MICU3: variants seen among roughly 807,000 people sequenced by gnomAD.
The protein encoded by MICU3 is mitochondrial calcium uptake 3.
In MICU3, 62 loss-of-function variants were observed where a neutral mutation model predicts 66.5. That is an observed-to-expected ratio of 0.93 (90% CI 0.76 to 1.15). The LOEUF (loss-of-function observed/expected upper bound fraction) is 1.15, where lower values mean the gene tolerates loss of function less well. Among genes scored for constraint, MICU3 ranks in the 50% most tolerant of loss-of-function variants. The pLI, the probability that MICU3 is intolerant of heterozygous loss-of-function variation, is 0.00. For synonymous variants in MICU3, 308 were observed against 240.7 expected, an observed-to-expected ratio of 1.28 and a Z score of -2.59; for missense variants, 779 against 664.4, an observed-to-expected ratio of 1.17 and a Z score of -1.90.
intron 5 of MICU3, among the ~76,000 whole-genome samples, chr8:17,084,737 A>G (rs1398478405): frequency 2.1e-4 from 32 of 152,126 alleles, no homozygotes; most frequent in Admixed American, 2.0e-3. Context: ...TGATAATTAC[A>G]TATTCAGTCT....
chr8:17,046,939 A>G (rs921975194), intron 1 of MICU3, among the ~76,000 whole-genome samples: 2 of 152,130 alleles, frequency 1.3e-5, no homozygotes, highest in African/African-American at 4.8e-5. Context: ...AAAGAAAAGC[A>G]AAACTTCTTT....
Position 17,077,223 on chromosome 8 carries a change from CA to C in MICU3, c.568-559del, listed in dbSNP as rs1235194216. On this transcript the variant is annotated intron_variant, in intron 3 of 14. Transcript: ENST00000318063. ...AATTGAAACAGTGACCACAATAACT[CA>C]GTACCCTTGTCTTTCTGCTTCATCC... is the stretch of plus-strand genomic sequence containing the variant. Among the ~76,000 whole-genome samples, 32 of 152,286 alleles carry C rather than the reference CA, an allele frequency of 2.1e-4. 2 individuals carry two copies. The highest frequency in any genetic ancestry group is 7.5e-4 in the African/African-American group (31 of 41,564).
the MICU3 span, chr8:17,132,496 G>A: frequency 6.6e-6 from 1 of 152,096 alleles, no homozygotes; most frequent in Non-Finnish European, 1.5e-5. Flanking sequence ...ACCCCAAACT[G>A]TCTCCTGGGT....
chr8:17,076,623 A>G (rs112168942), intron 3 of MICU3, among the ~76,000 whole-genome samples: 1 of 152,340 alleles, frequency 6.6e-6, no homozygotes, highest in African/African-American at 2.4e-5. Flanking sequence ...TCTTCCTGCT[A>G]GCTCAGCTTT....
intron 3 of MICU3, among the ~76,000 whole-genome samples, chr8:17,070,882 G>C (rs866478491): frequency 6.6e-6 from 1 of 152,012 alleles, no homozygotes; most frequent in Non-Finnish European, 1.5e-5. Context: ...TTTCAGTTTG[G>C]TAGACGAGAG....
chr8:17,112,745 T>C (rs1331790962), intron 11 of MICU3, among the ~76,000 whole-genome samples: 1 of 152,202 alleles, frequency 6.6e-6, no homozygotes, highest in African/African-American at 2.4e-5. Context: ...TATTTAAAAA[T>C]ATTCCATCCT....
chr8:17,040,139 C>T (rs1813815663), intron 1 of MICU3, among the ~76,000 whole-genome samples: 1 of 152,006 alleles, frequency 6.6e-6, no homozygotes, highest in Admixed American at 6.6e-5. Flanking sequence ...AACTCCCGAT[C>T]TCAGGTGATC....
the MICU3 span, among the ~76,000 whole-genome samples, chr8:17,136,075 C>T: frequency 6.6e-6 from 1 of 151,984 alleles, no homozygotes; most frequent in Admixed American, 6.6e-5. Context: ...AAAGTAAATT[C>T]ATGGAAAATA....
Position 17,098,647 on chromosome 8 carries a change from G to C in MICU3, c.984+94G>C. ...TAGTCACAGTGATGAAACCCAACAT[G>C]TATGTTACATTTTCCATTGTTTTAG... On this transcript the variant is annotated intron_variant, in intron 9 of 14. Coordinates refer to ENST00000318063, the MANE Select transcript of MICU3 (RefSeq NM_181723.3). The C allele has an allele frequency of 4.9e-6, 4 of 809,462 alleles. No homozygotes were observed. In the South Asian group the frequency reaches 5.9e-5, roughly 12 times the overall value. 50.1% of individuals were successfully genotyped at this position (809,462 alleles called of 1,614,324 possible). A position where few individuals can be genotyped will look rare whatever the true frequency, so the allele number is the denominator to read the frequency against.
intron 12 of MICU3, among the ~76,000 whole-genome samples, chr8:17,115,462 G>T (rs1051945249): frequency 5.3e-5 from 8 of 152,114 alleles, no homozygotes; most frequent in Non-Finnish European, 1.2e-4. Context: ...ACTGGGTTCA[G>T]AATAGAAAAG....
At chr8:17,134,729 C>T in the MICU3 span, among the ~76,000 whole-genome samples, 8 of 152,170 alleles carry the variant, frequency 5.3e-5, no homozygotes, top group Non-Finnish European at 1.0e-4. Context: ...TAGGCGTGAG[C>T]CACCACACTG....
chr8:17,067,702 G>A (rs1370485476), intron 2 of MICU3, among the ~76,000 whole-genome samples: 1 of 152,070 alleles, frequency 6.6e-6, no homozygotes, highest in Non-Finnish European at 1.5e-5. Flanking sequence ...GGCCTCCAAA[G>A]GGGTGCAATT....
rs889082452 is a variant in MICU3 at position 17,122,092 on chromosome 8, T to C, written c.*1805T>C. ...AGCCCATTGAAATCCTTTATAATTC[T>C]GTCATTTTCCCAAGGAAGAATAGCA... On this transcript the variant is annotated 3_prime_UTR_variant, in exon 15 of 15. Coordinates refer to ENST00000318063, the MANE Select transcript of MICU3 (RefSeq NM_181723.3). 2.0e-5 allele frequency: 3 copies of C among 151,898 alleles called. No individual in the cohort carries two copies. Among genetic ancestry groups the C allele is most frequent in the Non-Finnish European group, 4.4e-5 (3 of 67,764 alleles). 9.4% of individuals were successfully genotyped at this position (151,898 alleles called of 1,614,324 possible). A position where few individuals can be genotyped will look rare whatever the true frequency, so the allele number is the denominator to read the frequency against.
Position 17,027,331 on chromosome 8 carries a change from C to G in MICU3, c.52C>G (p.Leu18Val). 6.5e-7 allele frequency: 1 copy of G among 1,532,944 alleles called. No individual in the cohort carries two copies. Among genetic ancestry groups the G allele is most frequent in the Non-Finnish European group, 8.7e-7 (1 of 1,149,410 alleles). 95.0% of individuals were successfully genotyped at this position (1,532,944 alleles called of 1,614,324 possible). A position where few individuals can be genotyped will look rare whatever the true frequency, so the allele number is the denominator to read the frequency against. ...GCCGCCACCCCGGGTGTCTCCTCCACTCTGCGCTCACCAGCCCCTCCTTGG... is the reference window on the plus strand; with the variant it reads ...GCCGCCACCCCGGGTGTCTCCTCCAGTCTGCGCTCACCAGCCCCTCCTTGG... ...LWPPPRVSPPLCAHQPLLGPW... is the reference protein window; with the variant it reads ...LWPPPRVSPPVCAHQPLLGPW... Residue 18 changes from leucine (L) to valine (V), a missense_variant, in exon 1 of 15, where the codon CTC becomes GTC. Physicochemically the swap from Leu to Val is conservative, Grantham distance 32 (BLOSUM62 1). Coordinates refer to ENST00000318063, the MANE Select transcript of MICU3 (RefSeq NM_181723.3).
chr8:17,077,772 T>A lies in MICU3; in HGVS notation c.568-11T>A, dbSNP rs377331426. ...TTTACCAATTCATCAGTAGTATAAC[T>A]TCTGTCATAGGAATTAAATCAAATG... On this transcript the variant is annotated splice_polypyrimidine_tract_variant and intron_variant, in intron 3 of 14. Coordinates refer to ENST00000318063, the MANE Select transcript of MICU3 (RefSeq NM_181723.3). 1.9e-6 allele frequency: 3 copies of A among 1,598,110 alleles called. No individual in the cohort carries two copies. The highest frequency in any genetic ancestry group is 2.6e-6 in the Non-Finnish European group (3 of 1,167,212).
chr8:17,087,048 T>A lies in MICU3; in HGVS notation c.849+13T>A. 6.4e-7 allele frequency: 1 copy of A among 1,562,512 alleles called. No homozygotes were observed. The highest frequency in any genetic ancestry group is 2.3e-5 in the East Asian group (1 of 44,348). On this transcript the variant is annotated intron_variant, in intron 7 of 14. Transcript: ENST00000318063. ...GCGTGCAATGCTGGTAAGAATACTT[T>A]ATAGTAGCTTTAGGTGGCTTTTGTA...
rs893171452 is a variant in MICU3, at chr8:17,120,606, T to A, written c.*319T>A. The A allele has an allele frequency of 1.3e-5, 2 of 152,428 alleles. No individual in the cohort carries two copies. Among genetic ancestry groups the A allele is most frequent in the Non-Finnish European group, 2.9e-5 (2 of 67,930 alleles). The allele number at this position is 152,428 out of a possible 1,614,324, so 9.4% of individuals were successfully genotyped here. A position where few individuals can be genotyped will look rare whatever the true frequency, so the allele number is the denominator to read the frequency against. ...ACATATGAATGTACTTTCAATATTA[T>A]TTTTTTATTTATTCATTAGAAATTT... On this transcript the variant is annotated 3_prime_UTR_variant, in exon 15 of 15. Coordinates refer to ENST00000318063, the MANE Select transcript of MICU3 (RefSeq NM_181723.3).
At chr8:17,116,835 G>A (rs969165151) in intron 13 of MICU3, among the ~76,000 whole-genome samples, 1 of 151,388 alleles carries the variant, frequency 6.6e-6, no homozygotes, top group East Asian at 1.9e-4. Flanking sequence ...TATTTTCATA[G>A]TCAGTCTAAT....
chr8:17,062,993 T>TA (rs1245828705), intron 1 of MICU3, among the ~76,000 whole-genome samples: 1 of 152,150 alleles, frequency 6.6e-6, no homozygotes, highest in Non-Finnish European at 1.5e-5. Context: ...TCAACATGAA[T>TA]AACCAAGTAG....
Sources: gnomAD v4.1 joint callset for allele counts (sites outside exome capture counted in the v4.1 genomes callset) on GRCh38, gnomAD v4.1.1 for gene constraint, MANE v1.5 for transcripts, NCBI Gene and HGNC (gene_info 2026-07-23, HGNC 2026-07-21) for gene names.